The following NIPAL3 variants were observed in gnomAD, a reference collection of about 807,000 sequenced individuals.
The protein encoded by NIPAL3 is NIPA-like protein 3.
In NIPAL3, 41 loss-of-function variants were observed where a neutral mutation model predicts 47.2. That is an observed-to-expected ratio of 0.87 (90% CI 0.68 to 1.13). The LOEUF (loss-of-function observed/expected upper bound fraction) is 1.13. NIPAL3 is among the 50% of genes most tolerant of loss of function. NIPAL3 has a pLI of 0.00. For synonymous variants in NIPAL3, 194 were observed against 209.6 expected, an observed-to-expected ratio of 0.93 and a Z score of 0.64; for missense variants, 449 against 530.1, an observed-to-expected ratio of 0.85 and a Z score of 1.50.
chr1:24,429,963 A>G (rs1445953240), intron 2 of NIPAL3, among the ~76,000 whole-genome samples: 1 of 152,214 alleles, frequency 6.6e-6, no homozygotes, highest in Admixed American at 6.5e-5. Context: ...GGTATGATTG[A>G]CTGAAAGCTG....
Position 24,454,302 on chromosome 1 carries a change from C to G in NIPAL3, c.637+798C>G. The G allele has an allele frequency of 4.3e-6, 5 of 1,152,752 alleles. No homozygotes were observed. The highest frequency in any genetic ancestry group is 5.4e-6 in the Non-Finnish European group (5 of 925,762). The allele number at this position is 1,152,752 out of a possible 1,614,324, so 71.4% of individuals were successfully genotyped here. On this transcript the variant is annotated intron_variant, in intron 7 of 11. Transcript: ENST00000374399. The surrounding 1 kb of genome is among the most constrained non-coding windows in gnomAD (Gnocchi z 4.1). Reference sequence around the variant, plus strand: ...CTGGTGTCAGGGCTGGTGAAGCCTGCTACCGCGCTGCTCTTGAGTGGCCTC... The same window carrying G: ...CTGGTGTCAGGGCTGGTGAAGCCTGGTACCGCGCTGCTCTTGAGTGGCCTC...
intron 5 of NIPAL3, among the ~76,000 whole-genome samples, chr1:24,446,069 CGTGTGTG>C (rs1292678331): frequency 5.4e-5 from 8 of 147,840 alleles, no homozygotes; most frequent in East Asian, 2.0e-4. Context: ...AGATTATAGT[CGTGTGTG>C]TGTGTGTGTG....
At chr1:24,447,339 G>T (rs975987466) in intron 5 of NIPAL3, among the ~76,000 whole-genome samples, 10 of 152,172 alleles carry the variant, frequency 6.6e-5, no homozygotes, top group African/African-American at 2.4e-4. Context: ...ATAATGAAAG[G>T]TCAGTTTAGA....
intron 10 of NIPAL3, among the ~76,000 whole-genome samples, chr1:24,462,828 T>A (rs1646532849): frequency 6.6e-6 from 1 of 151,870 alleles, no homozygotes; most frequent in Non-Finnish European, 1.5e-5. Context: ...CCAAGCATGG[T>A]GGCTCATGCT....
intron 7 of NIPAL3, chr1:24,453,969 G>T: frequency 2.2e-6 from 1 of 445,314 alleles, no homozygotes; most frequent in Non-Finnish European, 4.4e-6. Context: ...TTAGAGGGAT[G>T]GGTGCTGTGG....
intron 2 of NIPAL3, among the ~76,000 whole-genome samples, chr1:24,427,219 G>T (rs1485936754): frequency 1.3e-5 from 2 of 152,148 alleles, no homozygotes; most frequent in Non-Finnish European, 2.9e-5. Context: ...GGAAGAGCTT[G>T]CTGGCAGGAG....
intron 11 of NIPAL3, chr1:24,465,941 G>T: frequency 1.3e-6 from 2 of 1,550,450 alleles, no homozygotes; most frequent in Non-Finnish European, 1.7e-6. Flanking sequence ...TCTAAACAGA[G>T]GTGCTTTTCC....
chr1:24,428,262 G>A (rs1031725819), intron 2 of NIPAL3, among the ~76,000 whole-genome samples: 2 of 55,398 alleles, frequency 3.6e-5, no homozygotes, highest in East Asian at 4.5e-4. Context: ...AAAAGAAAGA[G>A]AGAGAGAGAG....
In NIPAL3 at chr1:24,460,429, A is replaced by G. The variant is rs1339494102; in HGVS notation, c.863-52A>G. Reference sequence around the variant, plus strand: ...AGCCAAATCCTAGACAGACTGGCAGATGGGTGATTTGAAAACAGCTCAGCG... The same window carrying G: ...AGCCAAATCCTAGACAGACTGGCAGGTGGGTGATTTGAAAACAGCTCAGCG... On this transcript the variant is annotated intron_variant, in intron 9 of 11. Coordinates refer to ENST00000374399, the MANE Select transcript of NIPAL3 (RefSeq NM_020448.5). 4 of 1,447,302 alleles carry G rather than the reference A, an allele frequency of 2.8e-6. No homozygotes were observed. The East Asian group carries it at 7.3e-5, about 26-fold the overall frequency. The allele number at this position is 1,447,302 out of a possible 1,614,324, so 89.7% of individuals were successfully genotyped here.
At chr1:24,417,155 TAGTC>T (rs1644090448) in intron 1 of NIPAL3, among the ~76,000 whole-genome samples, 1 of 152,218 alleles carries the variant, frequency 6.6e-6, no homozygotes. Flanking sequence ...AGCCTGCATT[TAGTC>T]AGTCGGTTGG....
intron 8 of NIPAL3, among the ~76,000 whole-genome samples, chr1:24,458,533 G>A (rs942703571): frequency 8.6e-5 from 13 of 151,930 alleles, no homozygotes; most frequent in African/African-American, 3.1e-4. Flanking sequence ...GGGGGCAGGG[G>A]TATAAGAGAT....
intron 6 of NIPAL3, 95 bp from the exon 7 acceptor site, chr1:24,453,313 C>A (rs1646029984): frequency 1.3e-6 from 1 of 780,326 alleles, no homozygotes; most frequent in Non-Finnish European, 2.2e-6. Flanking sequence ...CCCTTTCAAC[C>A]CTGTGACTCT....
chr1:24,417,075 T>A (rs1557476985), intron 1 of NIPAL3: 1 of 151,934 alleles, frequency 6.6e-6, no homozygotes, highest in Non-Finnish European at 1.5e-5. Flanking sequence ...AGCTCTGGAG[T>A]TGTGGTTGAT....
intron 6 of NIPAL3, 35 bp from the exon 7 acceptor site, chr1:24,453,359 GCCTACTTCTGTGGT>G: frequency 7.2e-7 from 1 of 1,395,474 alleles, no homozygotes. Context: ...TCCCGGTCTC[GCCTACTTCTGTGGT>G]CCCCACTGAC....
intron 2 of NIPAL3, among the ~76,000 whole-genome samples, chr1:24,424,010 A>G (rs1197216270): frequency 3.9e-5 from 6 of 152,244 alleles, no homozygotes; most frequent in Non-Finnish European, 7.3e-5. Flanking sequence ...GACAAATATA[A>G]GAATCTAAGA....
chr1:24,432,726 A>G (rs1000631451), intron 2 of NIPAL3, among the ~76,000 whole-genome samples: 1 of 152,222 alleles, frequency 6.6e-6, no homozygotes, highest in African/African-American at 2.4e-5. Flanking sequence ...AAAGGTTGTT[A>G]TGAGGATTAA....
intron 3 of NIPAL3, among the ~76,000 whole-genome samples, chr1:24,441,258 A>G (rs1241968867): frequency 6.6e-6 from 1 of 152,162 alleles, no homozygotes; most frequent in Admixed American, 6.5e-5. Flanking sequence ...TATGCATCTC[A>G]GCTCTGGGAT....
chr1:24,462,245 C>A (rs1385856401), intron 10 of NIPAL3, among the ~76,000 whole-genome samples: 1 of 152,146 alleles, frequency 6.6e-6, no homozygotes. Flanking sequence ...CCAGCAGGTC[C>A]CTCCCATGAC....
At chr1:24,446,900 C>G (rs1040408986) in intron 5 of NIPAL3, among the ~76,000 whole-genome samples, 1 of 152,070 alleles carries the variant, frequency 6.6e-6, no homozygotes, top group Non-Finnish European at 1.5e-5. Context: ...ATTTTTAAGC[C>G]CAGATCCAGG....
Sources: gnomAD v4.1 joint callset for allele counts (sites outside exome capture counted in the v4.1 genomes callset) on GRCh38, gnomAD v4.1.1 for gene constraint, Gnocchi (gnomAD v3.1) non-coding constraint, MANE v1.5 for transcripts, NCBI Gene and HGNC (gene_info 2026-07-23, HGNC 2026-07-21) for gene names.